ADARB2: variants seen among roughly 807,000 people sequenced by gnomAD.
The protein encoded by ADARB2 is adenosine deaminase RNA specific B2 (inactive), also known as inactive double-stranded RNA-specific editase B2.
A neutral mutation model predicts 62.2 loss-of-function variants in ADARB2; 25 were observed. The ratio of observed to expected loss-of-function variants is 0.40; its 90% CI spans 0.29 to 0.56. The LOEUF is 0.56. Ranked by LOEUF, ADARB2 falls within the 20% of genes least tolerant of loss-of-function variation. ADARB2 has a pLI of 0.43. For synonymous variants in ADARB2, 572 were observed against 500.8 expected (o/e 1.14, Z -1.90); for missense variants, 1,071 against 1,077.4 (o/e 0.99, Z 0.08).
rs1832891670 is a variant in ADARB2, at chr10:1,426,130, T to C, written c.101-46970A>G. 6.6e-6 allele frequency among the ~76,000 whole-genome samples: 1 copy of C among 152,154 alleles called. No homozygotes were observed. The highest frequency in any genetic ancestry group is 6.5e-5 in the Admixed American group (1 of 15,274). Reference sequence around the variant, plus strand: ...ATCTATAATGACACAACAAAACTCATATAGAGAAGGGGAATCAAGATCTGA... The same window carrying C: ...ATCTATAATGACACAACAAAACTCACATAGAGAAGGGGAATCAAGATCTGA... On this transcript the variant is annotated intron_variant, in intron 1 of 9. Coordinates refer to ENST00000381312, the MANE Select transcript of ADARB2 (RefSeq NM_018702.4). The surrounding 1 kb of genome is among the most constrained non-coding windows in gnomAD (Gnocchi z 4.1).
At chr10:1,557,778 G>T (rs1174531496) in intron 1 of ADARB2, among the ~76,000 whole-genome samples, 1 of 152,086 alleles carries the variant, frequency 6.6e-6, no homozygotes, top group Non-Finnish European at 1.5e-5. Flanking sequence ...TGGGGGTAGT[G>T]GTGGGCATCT....
At chr10:1,256,369 C>A (rs1318273309) in intron 4 of ADARB2, among the ~76,000 whole-genome samples, 1 of 152,208 alleles carries the variant, frequency 6.6e-6, no homozygotes, top group East Asian at 1.9e-4. Flanking sequence ...GGGAGCATGA[C>A]CTGCAGCAGC....
At chr10:1,439,930 T>C (rs1020405287) in intron 1 of ADARB2, among the ~76,000 whole-genome samples, 1 of 148,782 alleles carries the variant, frequency 6.7e-6, no homozygotes, top group African/African-American at 2.5e-5. Context: ...AGGCAGGTCC[T>C]TCACTATGGG....
At chr10:1,516,523 GCTGTGTGGGCTGCTCTGCT>G (rs1832011300) in intron 1 of ADARB2, among the ~76,000 whole-genome samples, 1 of 151,414 alleles carries the variant, frequency 6.6e-6, no homozygotes, top group South Asian at 2.1e-4. Context: ...GCTGCTCTGT[GCTGTGTGGGCTGCTCTGCT>G]CTGTGCGGGC....
intron 5 of ADARB2, among the ~76,000 whole-genome samples, chr10:1,239,390 C>A (rs1432584222): frequency 2.9e-4 from 1 of 3,428 alleles, no homozygotes; most frequent in African/African-American, 5.8e-4. Flanking sequence ...TCCCCCCTGC[C>A]TCCCGGTGTT....
intron 1 of ADARB2, among the ~76,000 whole-genome samples, chr10:1,513,503 GT>G (rs1213887208): frequency 2.0e-5 from 3 of 152,170 alleles, no homozygotes; most frequent in Admixed American, 6.5e-5. Context: ...TCATGGCTCT[GT>G]TCTGGCTCTG....
chr10:1,313,068 G>T (rs1035309575), intron 3 of ADARB2, among the ~76,000 whole-genome samples: 1 of 152,184 alleles, frequency 6.6e-6, no homozygotes, highest in Non-Finnish European at 1.5e-5. Flanking sequence ...TACAGTTGGG[G>T]CCGTTCATCC....
intron 1 of ADARB2, among the ~76,000 whole-genome samples, chr10:1,422,499 G>A (rs1187757595): frequency 2.0e-5 from 3 of 152,192 alleles, no homozygotes; most frequent in Non-Finnish European, 4.4e-5. Context: ...GTGAGAGGCA[G>A]TGCCCTGTGG....
intron 1 of ADARB2, among the ~76,000 whole-genome samples, chr10:1,494,332 C>A (rs1343258931): frequency 6.6e-6 from 1 of 152,140 alleles, no homozygotes; most frequent in Non-Finnish European, 1.5e-5. Flanking sequence ...GAATAGTGTC[C>A]TGTCTGGATT....
intron 1 of ADARB2, among the ~76,000 whole-genome samples, chr10:1,591,038 T>G (rs1012746994): frequency 6.6e-6 from 1 of 152,232 alleles, no homozygotes; most frequent in Non-Finnish European, 1.5e-5. Context: ...AATTTCTATG[T>G]GTCGATTATA....
intron 5 of ADARB2, among the ~76,000 whole-genome samples, chr10:1,240,877 C>A (rs143469448): frequency 3.3e-4 from 50 of 152,366 alleles, no homozygotes; most frequent in Non-Finnish European, 5.6e-4. Context: ...TGAGATATTT[C>A]TGTTCCCCCA....
chr10:1,641,108 A>G (rs1833973907), intron 1 of ADARB2, among the ~76,000 whole-genome samples: 1 of 152,248 alleles, frequency 6.6e-6, no homozygotes, highest in Non-Finnish European at 1.5e-5. Flanking sequence ...CTACAAATAT[A>G]TATTAAAAAT....
chr10:1,244,814 T>G (rs1246441888), intron 4 of ADARB2, among the ~76,000 whole-genome samples: 4 of 152,076 alleles, frequency 2.6e-5, no homozygotes, highest in African/African-American at 9.7e-5. Context: ...GGAGGCGTCC[T>G]AGGCAGAGTG....
chr10:1,322,857 T>G (rs938404857), intron 3 of ADARB2, among the ~76,000 whole-genome samples: 4 of 152,212 alleles, frequency 2.6e-5, no homozygotes, highest in African/African-American at 9.6e-5. Flanking sequence ...TTCAAGTTAA[T>G]GTAATTGCTC....
intron 1 of ADARB2, among the ~76,000 whole-genome samples, chr10:1,625,675 C>T (rs1398423131): frequency 6.6e-6 from 1 of 152,174 alleles, no homozygotes; most frequent in East Asian, 1.9e-4. Flanking sequence ...CACATGTCCA[C>T]TGACCATCAG....
chr10:1,277,036 T>TA (rs1276413723), intron 3 of ADARB2, among the ~76,000 whole-genome samples: 5 of 152,138 alleles, frequency 3.3e-5, no homozygotes. Flanking sequence ...AAGGCAGAAA[T>TA]AAAGATGTTC....
At chr10:1,284,188 C>T (rs1831392999) in intron 3 of ADARB2, among the ~76,000 whole-genome samples, 1 of 152,120 alleles carries the variant, frequency 6.6e-6, no homozygotes, top group Non-Finnish European at 1.5e-5. Context: ...GAGATCGCTC[C>T]CACGTGAAGC....
chr10:1,351,462 A>T lies in ADARB2; in HGVS notation c.1077+11566T>A, dbSNP rs552543221. ...TGCCAACTTAGACAATACTCTTTTA[A>T]GTACTCCTTTTAGTTATCCCCACCT... On this transcript the variant is annotated intron_variant, in intron 3 of 9. Transcript: ENST00000381312. 2.9e-3 allele frequency among the ~76,000 whole-genome samples: 437 copies of T among 151,622 alleles called. 4 individuals are homozygous for T. Among genetic ancestry groups the T allele is most frequent in the African/African-American group, 0.01 (416 of 41,266 alleles).
chr10:1,616,062 G>A (rs976814685), intron 1 of ADARB2, among the ~76,000 whole-genome samples: 5 of 152,262 alleles, frequency 3.3e-5, no homozygotes, highest in Non-Finnish European at 7.3e-5. Context: ...GGCAGGGGGA[G>A]GCTGGAATTC....
Sources: allele counts gnomAD v4.1 joint callset (sites outside exome capture counted in the v4.1 genomes callset), GRCh38; gene constraint gnomAD v4.1.1; non-coding constraint Gnocchi (gnomAD v3.1); transcripts MANE v1.5; gene names NCBI Gene and HGNC (gene_info 2026-07-23, HGNC 2026-07-21).